The following CNTN4 variants were observed in gnomAD, a reference collection of about 807,000 sequenced individuals.
CNTN4 encodes contactin-4.
Under a neutral mutation model 122.5 loss-of-function variants are expected in CNTN4, and 77 were observed. The observed-to-expected ratio is 0.63, with a 90% CI of 0.52 to 0.76. The LOEUF is 0.76. Among genes scored for constraint, CNTN4 ranks in the 30% least tolerant of loss-of-function variants. The probability of loss-of-function intolerance (pLI) is 0.00; values close to 1 mark genes in which losing one functional copy is unlikely to be tolerated. For synonymous variants in CNTN4, 512 were observed against 447.0 expected, an observed-to-expected ratio of 1.15 and a Z score of -1.83; for missense variants, 1,256 against 1,259.1, an observed-to-expected ratio of 1.00 and a Z score of 0.04.
At chr3:2,835,140 C>T (rs909345387) in intron 7 of CNTN4, among the ~76,000 whole-genome samples, 1 of 151,614 alleles carries the variant, frequency 6.6e-6, no homozygotes, top group Non-Finnish European at 1.5e-5. Context: ...CTCCTGATCT[C>T]GCGATCCGCC....
At chr3:2,698,629 TAA>T (rs753751630) in intron 4 of CNTN4, among the ~76,000 whole-genome samples, 4 of 152,194 alleles carry the variant, frequency 2.6e-5, no homozygotes, top group Non-Finnish European at 5.9e-5. Flanking sequence ...GTGTGTCAAA[TAA>T]AAGAGTTGAA....
At chr3:3,024,523 T>G (rs551605891) in intron 14 of CNTN4, among the ~76,000 whole-genome samples, 1 of 152,214 alleles carries the variant, frequency 6.6e-6, no homozygotes, top group East Asian at 1.9e-4. Flanking sequence ...CCATTACCTC[T>G]TTGCTGGCAG....
chr3:2,161,268 C>T (rs2035956665), intron 2 of CNTN4, among the ~76,000 whole-genome samples: 1 of 151,884 alleles, frequency 6.6e-6, no homozygotes. Context: ...AATTTTTAGG[C>T]CATGTTAAGT....
intron 3 of CNTN4, among the ~76,000 whole-genome samples, chr3:2,520,361 C>T (rs535139035): frequency 6.9e-6 from 1 of 145,952 alleles, no homozygotes; most frequent in Non-Finnish European, 1.5e-5. Context: ...CAACATTCAC[C>T]ATCTGGGCTC....
intron 13 of CNTN4, among the ~76,000 whole-genome samples, chr3:2,980,559 A>G (rs112378157): frequency 2.0e-5 from 3 of 152,256 alleles, no homozygotes; most frequent in African/African-American, 4.8e-5. Flanking sequence ...AATCTCATCC[A>G]GAAACAAACA....
intron 5 of CNTN4, among the ~76,000 whole-genome samples, chr3:2,738,598 T>C (rs2089278574): frequency 6.6e-6 from 1 of 151,912 alleles, no homozygotes; most frequent in African/African-American, 2.4e-5. Flanking sequence ...CACAGAACAA[T>C]AAAAATAATA....
At chr3:2,522,758 A>G (rs2077267004) in intron 3 of CNTN4, among the ~76,000 whole-genome samples, 1 of 152,014 alleles carries the variant, frequency 6.6e-6, no homozygotes, top group African/African-American at 2.4e-5. Context: ...TGGTCCACAG[A>G]TAACACTTGA....
chr3:2,632,000 A>G (rs1022923491), intron 4 of CNTN4, among the ~76,000 whole-genome samples: 1 of 151,894 alleles, frequency 6.6e-6, no homozygotes, highest in East Asian at 1.9e-4. Flanking sequence ...GTTGTGAGCC[A>G]TGATTGCACT....
chr3:2,724,512 C>T (rs2088077614), intron 4 of CNTN4, among the ~76,000 whole-genome samples: 1 of 152,176 alleles, frequency 6.6e-6, no homozygotes, highest in South Asian at 2.1e-4. Context: ...GCTTGAGTAG[C>T]TTTCAGATTA....
chr3:2,188,663 C>T (rs909414155), intron 2 of CNTN4, among the ~76,000 whole-genome samples: 3 of 152,150 alleles, frequency 2.0e-5, no homozygotes, highest in South Asian at 4.1e-4. Flanking sequence ...TCTGGCCTCT[C>T]AGGTACCTGT....
In CNTN4 at chr3:3,034,748, G is replaced by C; in HGVS notation, c.1900G>C (p.Ala634Pro). ...CCCCATCACCATGTATGTCATTCAA[G>C]CCAGGACTCCATTCTCCGTGGGCTG... ...HSPITMYVIQ[A>P]RTPFSVGWQA... Residue 634 changes from alanine (A) to proline (P), a missense_variant, in exon 17 of 25, where the codon GCC (alanine) becomes CCC (proline). By Grantham distance (27) the Ala-to-Pro change is conservative. Coordinates refer to ENST00000418658, the MANE Select transcript of CNTN4 (RefSeq NM_175607.3). 6.2e-7 allele frequency: 1 copy of C among 1,614,068 alleles called. No homozygotes were observed.
chr3:2,260,833 T>G (rs1436193440), intron 2 of CNTN4, among the ~76,000 whole-genome samples: 1 of 151,938 alleles, frequency 6.6e-6, no homozygotes, highest in Non-Finnish European at 1.5e-5. Flanking sequence ...TTCCCAGTGA[T>G]TCTCCTGCAT....
chr3:2,436,866 T>C (rs2048275934), intron 3 of CNTN4, among the ~76,000 whole-genome samples: 1 of 150,344 alleles, frequency 6.7e-6, no homozygotes, highest in Admixed American at 6.7e-5. Context: ...ATATATTTTA[T>C]AAATAGATAT....
At chr3:2,557,873 T>C (rs1245496244) in intron 3 of CNTN4, among the ~76,000 whole-genome samples, 1 of 152,188 alleles carries the variant, frequency 6.6e-6, no homozygotes, top group Non-Finnish European at 1.5e-5. Context: ...GATTGCATCT[T>C]GGGAATTCAG....
At chr3:2,585,331 C>A (rs7649187) in intron 4 of CNTN4, among the ~76,000 whole-genome samples, 45,769 of 148,140 alleles carry the variant, frequency 0.31, 7,907 homozygotes, top group Non-Finnish European at 0.37. Context: ...CAGCCATCCC[C>A]TTACTGGGCA....
At chr3:2,684,465 C>A (rs1283326786) in intron 4 of CNTN4, among the ~76,000 whole-genome samples, 1 of 152,110 alleles carries the variant, frequency 6.6e-6, no homozygotes. Flanking sequence ...AGGTGGACCC[C>A]AATGACCAGT....
At chr3:2,116,928 A>C (rs1297063765) in intron 2 of CNTN4, among the ~76,000 whole-genome samples, 1 of 151,850 alleles carries the variant, frequency 6.6e-6, no homozygotes, top group African/African-American at 2.4e-5. Flanking sequence ...CTCTCACTCA[A>C]AAACAATCAA....
chr3:3,050,911 T>G (rs559981774), intron 23 of CNTN4, among the ~76,000 whole-genome samples: 1 of 152,278 alleles, frequency 6.6e-6, no homozygotes, highest in African/African-American at 2.4e-5. Flanking sequence ...ATAATAACAT[T>G]GCCTTCCTTA....
intron 10 of CNTN4, among the ~76,000 whole-genome samples, chr3:2,894,043 A>G (rs919036609): frequency 6.6e-6 from 1 of 152,256 alleles, no homozygotes; most frequent in Non-Finnish European, 1.5e-5. Context: ...TGTTAGAAAT[A>G]ATTAACATAA....
Sources: gnomAD v4.1 joint callset for allele counts (sites outside exome capture counted in the v4.1 genomes callset) on GRCh38, gnomAD v4.1.1 for gene constraint, MANE v1.5 for transcripts, NCBI Gene and HGNC (gene_info 2026-07-23, HGNC 2026-07-21) for gene names.